Variants in RBFOX3 observed in about 807,000 individuals in gnomAD.
RBFOX3 encodes RNA binding protein fox-1 homolog 3.
A neutral mutation model predicts 48.7 loss-of-function variants in RBFOX3; 17 were observed. The observed-to-expected ratio is 0.35, with a 90% CI of 0.24 to 0.52. RBFOX3 has a LOEUF of 0.52. RBFOX3 is among the 20% of genes least tolerant of loss of function. The probability of loss-of-function intolerance (pLI) is 0.94; values close to 1 mark genes in which losing one functional copy is unlikely to be tolerated. For synonymous variants in RBFOX3, 212 were observed against 209.5 expected (o/e 1.01, Z -0.10); for missense variants, 382 against 497.5 (o/e 0.77, Z 2.21).
chr17:79,475,812 A>G (rs945839614), intron 2 of RBFOX3, among the ~76,000 whole-genome samples: 330 of 152,338 alleles, frequency 2.2e-3, no homozygotes, highest in African/African-American at 7.4e-3. Flanking sequence ...AGGCCCACAG[A>G]GGATGGCCAG....
chr17:79,646,054 C>G, the RBFOX3 span, among the ~76,000 whole-genome samples: 3 of 152,222 alleles, frequency 2.0e-5, no homozygotes, highest in East Asian at 5.8e-4. Flanking sequence ...GGCCTCTCCC[C>G]CTCCACCCTT....
intron 2 of RBFOX3, among the ~76,000 whole-genome samples, chr17:79,369,197 G>A (rs1337143182): frequency 6.6e-6 from 1 of 152,138 alleles, no homozygotes; most frequent in African/African-American, 2.4e-5. Context: ...GGTGGGGAGG[G>A]GCTGCCCATC....
intron 2 of RBFOX3, among the ~76,000 whole-genome samples, chr17:79,345,216 T>C (rs1431908392): frequency 1.3e-5 from 2 of 152,234 alleles, no homozygotes. Flanking sequence ...GTTTGAAGAA[T>C]TGATCCATTT....
chr17:79,247,875 T>C (rs1444688787), intron 3 of RBFOX3, among the ~76,000 whole-genome samples: 1 of 152,180 alleles, frequency 6.6e-6, no homozygotes, highest in Non-Finnish European at 1.5e-5. Flanking sequence ...TACTCCCCTG[T>C]AAAAGCGGGG....
intron 2 of RBFOX3, among the ~76,000 whole-genome samples, chr17:79,403,549 T>C (rs1598541357): frequency 6.6e-6 from 1 of 152,320 alleles, no homozygotes; most frequent in East Asian, 1.9e-4. Flanking sequence ...CAGGTCCAGC[T>C]TCCACAGACC....
intron 2 of RBFOX3, among the ~76,000 whole-genome samples, chr17:79,396,447 C>G (rs147015480): frequency 6.6e-6 from 1 of 152,196 alleles, no homozygotes; most frequent in East Asian, 1.9e-4. Context: ...CTGAAATAAA[C>G]CTCTGTCTTC....
intron 2 of RBFOX3, among the ~76,000 whole-genome samples, chr17:79,406,882 C>G (rs1232786380): frequency 6.6e-6 from 1 of 152,196 alleles, no homozygotes. Context: ...GAAGCTGGCT[C>G]CAGACTCCTC....
chr17:79,662,198 C>T, the RBFOX3 span, among the ~76,000 whole-genome samples: 1 of 130,434 alleles, frequency 7.7e-6, no homozygotes, highest in Non-Finnish European at 1.6e-5. Flanking sequence ...TCTCTGCTCA[C>T]TGCAAGCTCT....
At chr17:79,431,468 C>T (rs2068439741) in intron 2 of RBFOX3, among the ~76,000 whole-genome samples, 2 of 149,914 alleles carry the variant, frequency 1.3e-5, no homozygotes, top group South Asian at 2.2e-4. Context: ...TGCCCCCCAC[C>T]CCCCACCATG....
At chr17:79,463,845 TTGCCACTGCCACCTCCCCATCGCCAC>T (rs2075946058) in intron 2 of RBFOX3, among the ~76,000 whole-genome samples, 1 of 118,158 alleles carries the variant, frequency 8.5e-6, no homozygotes, top group Non-Finnish European at 1.7e-5. Context: ...ACCACCACCA[TTGCCACTGCCACCTCCCCATCGCCAC>T]TGCCACTGCC....
At chr17:79,597,471 C>A (rs1053916082) in intron 1 of RBFOX3, among the ~76,000 whole-genome samples, 1 of 152,204 alleles carries the variant, frequency 6.6e-6, no homozygotes, top group Non-Finnish European at 1.5e-5. Flanking sequence ...CCTCTGCCGT[C>A]GTCCTGTGTG....
In RBFOX3 at chr17:79,254,338, C is replaced by G. The variant is rs1481326622; in HGVS notation, c.-73-18533G>C. 6.6e-6 allele frequency among the ~76,000 whole-genome samples: 1 copy of G among 152,098 alleles called. No homozygotes were observed. Among genetic ancestry groups the G allele is most frequent in the Non-Finnish European group, 1.5e-5 (1 of 68,014 alleles). ...TGCCCACCCCGCAACCCCCAGGTGG[C>G]AGCAGGTGAGGAACCTTACTCCTGA... On this transcript the variant is annotated intron_variant, in intron 3 of 14. Transcript: ENST00000693108. The surrounding 1 kb of genome is among the most constrained non-coding windows in gnomAD (Gnocchi z 4.8).
rs2058530695 is a variant in RBFOX3 at position 79,212,636 on chromosome 17, C to CT, written c.-34+23129_-34+23130insA. Reference sequence around the variant, plus strand: ...TCTTCCCCAGCCCTGGAGGGCCTCCCCGTAATTGCAGGCCTTACTCTCTCT... The same window carrying CT: ...TCTTCCCCAGCCCTGGAGGGCCTCCCTCGTAATTGCAGGCCTTACTCTCTCT... On this transcript the variant is annotated intron_variant, in intron 4 of 14. Transcript: ENST00000693108. This position sits in a 1 kb window ranked among gnomAD's most constrained non-coding sequence, Gnocchi z 4.7. 6.6e-6 allele frequency among the ~76,000 whole-genome samples: 1 copy of CT among 152,210 alleles called. No homozygotes were observed. The highest frequency in any genetic ancestry group is 3.2e-3 in the Middle Eastern group (1 of 316).
chr17:79,498,714 C>T (rs1393819716), intron 1 of RBFOX3, among the ~76,000 whole-genome samples: 3 of 151,320 alleles, frequency 2.0e-5, no homozygotes, highest in African/African-American at 7.3e-5. Context: ...ATGCAGCCAT[C>T]CTTCCACCCA....
intron 1 of RBFOX3, among the ~76,000 whole-genome samples, chr17:79,545,556 C>T (rs2090310717): frequency 6.6e-6 from 1 of 152,196 alleles, no homozygotes; most frequent in Non-Finnish European, 1.5e-5. Context: ...ACTTGGTGTC[C>T]CAGGCTTCCC....
chr17:79,152,665 G>A (rs1030310106), intron 4 of RBFOX3, among the ~76,000 whole-genome samples: 4 of 152,202 alleles, frequency 2.6e-5, no homozygotes, highest in Non-Finnish European at 5.9e-5. Context: ...GGGAAAGAGA[G>A]GGAAAGAACA....
intron 2 of RBFOX3, among the ~76,000 whole-genome samples, chr17:79,338,663 G>A (rs1335504252): frequency 6.6e-6 from 1 of 152,150 alleles, no homozygotes; most frequent in Non-Finnish European, 1.5e-5. Context: ...TAGAATCTGT[G>A]AGTTTACCAT....
At chr17:79,385,841 A>G (rs1344127882) in intron 2 of RBFOX3, among the ~76,000 whole-genome samples, 1 of 151,216 alleles carries the variant, frequency 6.6e-6, no homozygotes, top group Non-Finnish European at 1.5e-5. Context: ...AAGAGGCTCC[A>G]TCACCCTCCA....
chr17:79,171,278 G>C (rs1340993492), intron 4 of RBFOX3, among the ~76,000 whole-genome samples: 1 of 152,180 alleles, frequency 6.6e-6, no homozygotes, highest in African/African-American at 2.4e-5. Context: ...TTTTACTTTT[G>C]CAGATGCGGC....
Sources: gnomAD v4.1 joint callset for allele counts (sites outside exome capture counted in the v4.1 genomes callset) on GRCh38, gnomAD v4.1.1 for gene constraint, Gnocchi (gnomAD v3.1) non-coding constraint, MANE v1.5 for transcripts, NCBI Gene and HGNC (gene_info 2026-07-23, HGNC 2026-07-21) for gene names.